The following COMMD1 variants were observed in gnomAD, a reference collection of about 807,000 sequenced individuals.
COMMD1 encodes the protein copper metabolism domain containing 1, also known as COMM domain-containing protein 1.
In COMMD1, 10 loss-of-function variants were observed where a neutral mutation model predicts 17.2. The ratio of observed to expected loss-of-function variants is 0.58; its 90% CI spans 0.36 to 0.99. The LOEUF (loss-of-function observed/expected upper bound fraction) is 0.99. COMMD1 is among the 50% of genes least tolerant of loss of function. The pLI, the probability that COMMD1 is intolerant of heterozygous loss-of-function variation, is 0.01. For synonymous variants in COMMD1, 97 were observed against 91.6 expected (o/e 1.06, Z -0.34); for missense variants, 270 against 231.8 (o/e 1.17, Z -1.07).
At chr2:61,955,931 C>T (rs1441504621) in intron 1 of COMMD1, among the ~76,000 whole-genome samples, 3 of 152,198 alleles carry the variant, frequency 2.0e-5, no homozygotes, top group East Asian at 3.8e-4. Context: ...AGGTGATCTG[C>T]CCGCCTTGGC....
At chr2:62,033,685 G>C (rs1457665534) in intron 2 of COMMD1, among the ~76,000 whole-genome samples, 1 of 152,132 alleles carries the variant, frequency 6.6e-6, no homozygotes, top group Non-Finnish European at 1.5e-5. Context: ...ACTACATTTA[G>C]TTGTTAAATT....
At chr2:61,996,195 C>CA (rs528886838) in intron 1 of COMMD1, among the ~76,000 whole-genome samples, 13 of 151,674 alleles carry the variant, frequency 8.6e-5, no homozygotes, top group Admixed American at 2.6e-4. Flanking sequence ...CCCCATCTCC[C>CA]AAAAAAAACC....
chr2:62,007,315 G>T (rs753059710), intron 2 of COMMD1, among the ~76,000 whole-genome samples: 1 of 151,754 alleles, frequency 6.6e-6, no homozygotes, highest in Admixed American at 6.6e-5. Flanking sequence ...TAGATGAGGG[G>T]GATATTCACT....
intron 1 of COMMD1, among the ~76,000 whole-genome samples, chr2:61,999,712 C>T (rs967234422): frequency 6.6e-6 from 1 of 152,010 alleles, no homozygotes; most frequent in Non-Finnish European, 1.5e-5. Flanking sequence ...TACAGGCACA[C>T]ACCACCACAC....
intron 1 of COMMD1, among the ~76,000 whole-genome samples, chr2:61,931,586 A>G (rs776711479): frequency 4.5e-4 from 69 of 152,156 alleles, no homozygotes; most frequent in Non-Finnish European, 6.9e-4. Flanking sequence ...TCTATTCTTC[A>G]TTATCTCAGC....
At chr2:61,930,328 C>G (rs1670429730) in intron 1 of COMMD1, among the ~76,000 whole-genome samples, 1 of 152,058 alleles carries the variant, frequency 6.6e-6, no homozygotes, top group African/African-American at 2.4e-5. Flanking sequence ...GAGGCCGAGG[C>G]AGGCGGATCA....
At chr2:62,121,987 T>C (rs1040743460) in intron 2 of COMMD1, among the ~76,000 whole-genome samples, 1 of 152,050 alleles carries the variant, frequency 6.6e-6, no homozygotes, top group African/African-American at 2.4e-5. Flanking sequence ...GAGACGGGGT[T>C]GCCATGTTGC....
intron 2 of COMMD1, among the ~76,000 whole-genome samples, chr2:62,123,522 G>GAAA (rs200376990): frequency 1.7e-5 from 2 of 117,482 alleles, no homozygotes; most frequent in African/African-American, 6.1e-5. Flanking sequence ...TAAAAAAAAA[G>GAAA]AAAAAAAAAA....
chr2:61,961,965 T>C (rs1211432482), intron 1 of COMMD1, among the ~76,000 whole-genome samples: 1 of 152,174 alleles, frequency 6.6e-6, no homozygotes, highest in Non-Finnish European at 1.5e-5. Flanking sequence ...CTCCCTGAAT[T>C]GTTTGTTCCT....
intron 1 of COMMD1, among the ~76,000 whole-genome samples, chr2:61,966,624 T>C (rs1256479193): frequency 6.6e-6 from 1 of 152,016 alleles, no homozygotes; most frequent in African/African-American, 2.4e-5. Flanking sequence ...ATAGAAGCCT[T>C]ATTATTTTAT....
intron 1 of COMMD1, among the ~76,000 whole-genome samples, chr2:61,986,291 C>T (rs1174009150): frequency 6.6e-6 from 1 of 151,938 alleles, no homozygotes; most frequent in Non-Finnish European, 1.5e-5. Flanking sequence ...TTTTCTCTTG[C>T]TACTTTTAGG....
Position 61,941,211 on chromosome 2 carries a change from A to G in COMMD1, c.180+35353A>G, listed in dbSNP as rs57946936. ...TCTGGCTAATTTTTGTATTTTCAGT[A>G]GAGATGGGGTTTCACCACGTTGGCC... On this transcript the variant is annotated intron_variant, in intron 1 of 2. Coordinates refer to ENST00000311832, the MANE Select transcript of COMMD1 (RefSeq NM_152516.4). Among the ~76,000 whole-genome samples the G allele has an allele frequency of 7.1e-3, 1,083 of 151,766 alleles. 19 individuals carry two copies. Among genetic ancestry groups the G allele is most frequent in the African/African-American group, 0.025 (1,014 of 41,382 alleles).
intron 1 of COMMD1, among the ~76,000 whole-genome samples, chr2:61,983,772 T>A (rs568112406): frequency 6.6e-6 from 1 of 152,186 alleles, no homozygotes; most frequent in African/African-American, 2.4e-5. Flanking sequence ...GTTTATCTTT[T>A]CAAAAAACCA....
At chr2:62,061,650 G>A (rs1377177447) in intron 2 of COMMD1, among the ~76,000 whole-genome samples, 1 of 150,474 alleles carries the variant, frequency 6.6e-6, no homozygotes, top group Non-Finnish European at 1.5e-5. Flanking sequence ...CTGCCTCCCA[G>A]GTTCAAGCGA....
intron 1 of COMMD1, among the ~76,000 whole-genome samples, chr2:61,937,835 CATTA>C (rs781158046): frequency 0.11 from 16,885 of 152,094 alleles, 2,153 homozygotes; most frequent in African/African-American, 0.31. Context: ...CACAAGGTAT[CATTA>C]TTCCTGTCAG....
At chr2:61,917,902 T>C (rs1670091043) in intron 1 of COMMD1, among the ~76,000 whole-genome samples, 1 of 152,238 alleles carries the variant, frequency 6.6e-6, no homozygotes, top group African/African-American at 2.4e-5. Flanking sequence ...ATGTAGAATA[T>C]ATAGTCTTAA....
At chr2:62,099,590 G>A (rs1018328461) in intron 2 of COMMD1, among the ~76,000 whole-genome samples, 8 of 148,528 alleles carry the variant, frequency 5.4e-5, no homozygotes, top group Non-Finnish European at 1.2e-4. Flanking sequence ...TTTTTTTTAA[G>A]AGCAATTGAC....
At chr2:62,116,961 T>G (rs1410880039) in intron 2 of COMMD1, among the ~76,000 whole-genome samples, 3 of 149,976 alleles carry the variant, frequency 2.0e-5, no homozygotes, top group Non-Finnish European at 4.4e-5. Context: ...CACCATTGCA[T>G]TCTAGCCTGG....
At chr2:61,918,352 T>C (rs752847515) in intron 1 of COMMD1, among the ~76,000 whole-genome samples, 8 of 152,246 alleles carry the variant, frequency 5.3e-5, no homozygotes, top group Non-Finnish European at 1.0e-4. Context: ...AGACATATTA[T>C]TCATTCTCTG....
Sources: gnomAD v4.1 joint callset for allele counts (sites outside exome capture counted in the v4.1 genomes callset) on GRCh38, gnomAD v4.1.1 for gene constraint, MANE v1.5 for transcripts, NCBI Gene and HGNC (gene_info 2026-07-23, HGNC 2026-07-21) for gene names.